Variants in ASTN1 observed in about 807,000 individuals in gnomAD.
ASTN1 encodes the protein astrotactin 1, also known as astrotactin-1.
A neutral mutation model predicts 140.7 loss-of-function variants in ASTN1; 41 were observed. The observed-to-expected ratio is 0.29, with a 90% CI of 0.23 to 0.38. The LOEUF (loss-of-function observed/expected upper bound fraction) is 0.38. Among genes scored for constraint, ASTN1 ranks in the 10% least tolerant of loss-of-function variants. The probability of loss-of-function intolerance (pLI) is 1.00; values close to 1 mark genes in which losing one functional copy is unlikely to be tolerated. For missense variants in ASTN1, 1,479 were observed against 1,678.8 expected (o/e 0.88, Z 2.08); for synonymous variants, 640 against 652.2 (o/e 0.98, Z 0.29).
At chr1:177,018,701 A>G (rs1675680495) in intron 7 of ASTN1, among the ~76,000 whole-genome samples, 1 of 152,218 alleles carries the variant, frequency 6.6e-6, no homozygotes, top group Admixed American at 6.5e-5. Flanking sequence ...ACAGCTGTCC[A>G]TATGGCAGAA....
At chr1:177,080,251 C>A (rs1330158022) in intron 1 of ASTN1, among the ~76,000 whole-genome samples, 2 of 118,570 alleles carry the variant, frequency 1.7e-5, no homozygotes, top group Non-Finnish European at 3.4e-5. Context: ...TTTCCTATAT[C>A]ACCAGGCCAA....
chr1:176,969,250 CTA>C (rs1230512483), intron 8 of ASTN1, among the ~76,000 whole-genome samples: 1 of 152,176 alleles, frequency 6.6e-6, no homozygotes, highest in African/African-American at 2.4e-5. Context: ...AAAGGCCCTT[CTA>C]TGTGTCTCTC....
intron 1 of ASTN1, among the ~76,000 whole-genome samples, chr1:177,089,697 C>A (rs555530173): frequency 3.9e-5 from 6 of 152,120 alleles, no homozygotes; most frequent in Non-Finnish European, 8.8e-5. Flanking sequence ...CCCTAGCCTG[C>A]CCACCACCTG....
intron 5 of ASTN1, among the ~76,000 whole-genome samples, chr1:177,029,070 G>A (rs1233531491): frequency 1.3e-5 from 2 of 152,182 alleles, no homozygotes; most frequent in East Asian, 3.9e-4. Flanking sequence ...ACGTGGAGGA[G>A]AATGGATTAG....
intron 21 of ASTN1, among the ~76,000 whole-genome samples, chr1:176,875,617 C>T (rs1324938176): frequency 1.3e-5 from 2 of 152,104 alleles, no homozygotes; most frequent in African/African-American, 4.8e-5. Flanking sequence ...GGATTATGTC[C>T]CTCCTGTCAA....
At chr1:177,163,323 A>G (rs4652230) in intron 1 of ASTN1, among the ~76,000 whole-genome samples, 46,538 of 152,068 alleles carry the variant, frequency 0.31, 7,932 homozygotes, top group Middle Eastern at 0.46. Flanking sequence ...ATCACTAAAG[A>G]AATGGATTGC....
intron 1 of ASTN1, among the ~76,000 whole-genome samples, chr1:177,112,221 T>C (rs1013381674): frequency 2.0e-5 from 3 of 152,242 alleles, no homozygotes; most frequent in Non-Finnish European, 4.4e-5. Context: ...GCATAGTCTG[T>C]GGTAATTGCT....
At chr1:176,877,613 G>T (rs545736699) in intron 20 of ASTN1, among the ~76,000 whole-genome samples, 1 of 152,318 alleles carries the variant, frequency 6.6e-6, no homozygotes, top group South Asian at 2.1e-4. Flanking sequence ...GGAATTCTAG[G>T]TTCTGCCACT....
intron 1 of ASTN1, among the ~76,000 whole-genome samples, chr1:177,151,381 G>A (rs1376010549): frequency 6.6e-6 from 1 of 151,564 alleles, no homozygotes; most frequent in Non-Finnish European, 1.5e-5. Context: ...TCTTACCTAT[G>A]GCATTGGAGT....
At chr1:176,864,584 T>C in intron 22 of ASTN1, 63 bp from the exon 23 acceptor site, 8 of 1,582,562 alleles carry the variant, frequency 5.1e-6, no homozygotes, top group Non-Finnish European at 6.9e-6. Flanking sequence ...TGAGCACAGC[T>C]ACTGTTAGTG....
At position 177,164,630 on chromosome 1, in the gene ASTN1, G is replaced by A; in HGVS notation, c.47C>T (p.Pro16Leu). Residue 16 changes from proline to leucine, a missense_variant, in exon 1 of 23, where the codon CCG becomes CTG. Around this residue, in one of 3 missense-constraint regions of ASTN1, gnomAD observed 729 missense variants for 860.4 expected, o/e 0.85. Transcript: ENST00000361833. The part of the protein sequence containing the change: ...LCALLACCWG[P>L]AAVLATAAGD... ...GGCGGCCGTGGCCAGCACCGCCGCCGGCCCCCAGCAGCAGGCGAGCAGGGC... is the reference window on the plus strand; with the variant it reads ...GGCGGCCGTGGCCAGCACCGCCGCCAGCCCCCAGCAGCAGGCGAGCAGGGC... 3.7e-6 allele frequency: 6 copies of A among 1,608,212 alleles called. No individual in the cohort carries two copies. Among genetic ancestry groups the A allele is most frequent in the South Asian group, 1.1e-5 (1 of 90,326 alleles).
At chr1:177,151,513 T>A (rs2102247576) in intron 1 of ASTN1, among the ~76,000 whole-genome samples, 1 of 151,522 alleles carries the variant, frequency 6.6e-6, no homozygotes, top group South Asian at 2.1e-4. Flanking sequence ...CACATACTGG[T>A]GACTCTGCAG....
At chr1:176,876,685 G>A (rs1299449288) in intron 20 of ASTN1, 48 bp from the exon 21 acceptor site, 1 of 1,580,394 alleles carries the variant, frequency 6.3e-7, no homozygotes, top group Non-Finnish European at 8.7e-7. Flanking sequence ...TGTGGCTGGA[G>A]GCTAGATCTC....
chr1:176,932,697 A>C (rs898710527), intron 16 of ASTN1, among the ~76,000 whole-genome samples: 14 of 152,260 alleles, frequency 9.2e-5, no homozygotes, highest in African/African-American at 3.4e-4. Flanking sequence ...TAAGTAGGGC[A>C]TAATGCCAAG....
intron 1 of ASTN1, among the ~76,000 whole-genome samples, chr1:177,156,828 G>A (rs1003683400): frequency 6.6e-6 from 1 of 152,186 alleles, no homozygotes; most frequent in African/African-American, 2.4e-5. Flanking sequence ...AAGTCAAGTT[G>A]ATAGAATGTA....
intron 2 of ASTN1, among the ~76,000 whole-genome samples, chr1:177,036,036 C>CTTTTTTTTTT (rs869200407): frequency 3.8e-5 from 3 of 78,788 alleles, no homozygotes; most frequent in African/African-American, 1.7e-4. Flanking sequence ...CCTCAGCTTT[C>CTTTTTTTTTT]TTTTTTTTTT....
At chr1:177,157,239 A>G (rs1683277936) in intron 1 of ASTN1, among the ~76,000 whole-genome samples, 1 of 152,252 alleles carries the variant, frequency 6.6e-6, no homozygotes, top group Admixed American at 6.5e-5. Context: ...TATGGGGCAT[A>G]TGGAAACTCT....
chr1:176,886,616 C>T (rs1669041528), intron 18 of ASTN1, among the ~76,000 whole-genome samples: 1 of 152,242 alleles, frequency 6.6e-6, no homozygotes, highest in Non-Finnish European at 1.5e-5. Flanking sequence ...AGAAGACAGA[C>T]TGTGGACAAG....
At chr1:176,965,332 C>T in intron 8 of ASTN1, 95 bp from the exon 9 acceptor site, 1 of 1,220,466 alleles carries the variant, frequency 8.2e-7, no homozygotes, top group Non-Finnish European at 1.2e-6. Context: ...GGTAGACACC[C>T]AGCCATCCAG....
Sources: allele counts gnomAD v4.1 joint callset (sites outside exome capture counted in the v4.1 genomes callset), GRCh38; gene constraint gnomAD v4.1.1; regional missense constraint gnomAD v4.1.1; transcripts MANE v1.5; gene names NCBI Gene and HGNC (gene_info 2026-07-23, HGNC 2026-07-21).